The following LRPPRC variants were observed in gnomAD, a reference collection of about 807,000 sequenced individuals.
LRPPRC encodes the protein leucine-rich PPR motif-containing protein, mitochondrial.
Under a neutral mutation model 180.3 loss-of-function variants are expected in LRPPRC, and 120 were observed. The observed-to-expected ratio is 0.67, with a 90% CI of 0.57 to 0.77. The LOEUF (loss-of-function observed/expected upper bound fraction) is 0.77. LRPPRC is among the 30% of genes least tolerant of loss of function. The pLI is 0.00. For synonymous variants in LRPPRC, 723 were observed against 600.0 expected, an observed-to-expected ratio of 1.21 and a Z score of -3.00; for missense variants, 2,012 against 1,657.2, an observed-to-expected ratio of 1.21 and a Z score of -3.72.
At chr2:43,889,276 T>C (rs989343715) in intron 37 of LRPPRC, among the ~76,000 whole-genome samples, 31 of 120,518 alleles carry the variant, frequency 2.6e-4, no homozygotes, top group South Asian at 1.0e-3. Context: ...GACCGTGCCA[T>C]TGCACTCCAG....
intron 5 of LRPPRC, 137 bp from the exon 6 acceptor site, chr2:43,976,366 A>AGCT: frequency 1.5e-6 from 1 of 651,792 alleles, no homozygotes; most frequent in South Asian, 1.8e-5. Flanking sequence ...AACCACAAAG[A>AGCT]AAGAACTAAT....
intron 25 of LRPPRC, among the ~76,000 whole-genome samples, chr2:43,926,484 C>T (rs1007797459): frequency 2.6e-5 from 4 of 152,166 alleles, no homozygotes; most frequent in South Asian, 2.1e-4. Context: ...TCTCCTGCCT[C>T]AGCCTCCCAA....
At chr2:43,963,395 G>C (rs1162522278) in intron 12 of LRPPRC, 193 bp downstream of exon 12, 6 of 630,768 alleles carry the variant, frequency 9.5e-6, no homozygotes, top group East Asian at 5.4e-5. Flanking sequence ...AGTGAGCCAA[G>C]ATTGTGCCAT....
chr2:43,963,707 C>A lies in LRPPRC; in HGVS notation c.1370-1G>T. On this transcript the variant is annotated splice_acceptor_variant, in intron 11 of 37. Transcript: ENST00000260665. LOFTEE classifies it high-confidence loss of function. Reference sequence around the variant, plus strand: ...ATTCCTTTGAGGATTTCAATTATACCTACCAAATAAAATGTAGAAGCACAG... The same window carrying A: ...ATTCCTTTGAGGATTTCAATTATACATACCAAATAAAATGTAGAAGCACAG... The A allele has an allele frequency of 7.0e-7, 1 of 1,438,002 alleles. No individual in the cohort carries two copies. The highest frequency in any genetic ancestry group is 9.8e-7 in the Non-Finnish European group (1 of 1,020,200). The allele number at this position is 1,438,002 out of a possible 1,614,324, so 89.1% of individuals were successfully genotyped here. A position where few individuals can be genotyped will look rare whatever the true frequency, so the allele number is the denominator to read the frequency against.
intron 27 of LRPPRC, among the ~76,000 whole-genome samples, chr2:43,924,354 C>T (rs538555910): frequency 5.9e-5 from 9 of 152,130 alleles, no homozygotes; most frequent in East Asian, 3.9e-4. Context: ...AAAGAGAGAT[C>T]GAAAGTTTCA....
At position 43,896,619 on chromosome 2, in the gene LRPPRC, G is replaced by C; in HGVS notation, c.3900+15C>G. On this transcript the variant is annotated intron_variant, in intron 35 of 37. Coordinates refer to ENST00000260665, the MANE Select transcript of LRPPRC (RefSeq NM_133259.4). ...GTACAGTATCATTGATTTGTAAGCAGGTAAAGCACAGTACCTTTCCTTGTT... is the reference window on the plus strand; with the variant it reads ...GTACAGTATCATTGATTTGTAAGCACGTAAAGCACAGTACCTTTCCTTGTT... The C allele has an allele frequency of 6.4e-7, 1 of 1,554,510 alleles. No individual in the cohort carries two copies. Among genetic ancestry groups the C allele is most frequent in the Non-Finnish European group, 8.9e-7 (1 of 1,126,412 alleles).
At chr2:43,896,932 T>A (rs1670707808) in intron 34 of LRPPRC, among the ~76,000 whole-genome samples, 1 of 152,200 alleles carries the variant, frequency 6.6e-6, no homozygotes, top group Non-Finnish European at 1.5e-5. Flanking sequence ...GTATAAAGTT[T>A]GTTTAAAAAG....
At position 43,887,756 on chromosome 2, in the gene LRPPRC, T is replaced by A. The variant is rs1670319010; in HGVS notation, c.*844A>T. On this transcript the variant is annotated 3_prime_UTR_variant, in exon 38 of 38. Transcript: ENST00000260665. ...ACAGGCATGAGATTCAATATAGGGATCACTTTTATTTCAAACAATTAAATA... is the reference window on the plus strand; with the variant it reads ...ACAGGCATGAGATTCAATATAGGGAACACTTTTATTTCAAACAATTAAATA... 1 of 152,188 alleles carries A rather than the reference T, an allele frequency of 6.6e-6. No homozygotes were observed. The highest frequency in any genetic ancestry group is 1.9e-4 in the East Asian group (1 of 5,196). The allele number at this position is 152,188 out of a possible 1,614,324, so 9.4% of individuals were successfully genotyped here. A position where few individuals can be genotyped will look rare whatever the true frequency, so the allele number is the denominator to read the frequency against.
Position 43,960,640 on chromosome 2 carries a change from G to C in LRPPRC, c.1489-6C>G. ...TCAGACAGACATCCATTTTCCTGGA[G>C]ATAAAGCATATATCAATGAGAATAC... On this transcript the variant is annotated splice_region_variant and splice_polypyrimidine_tract_variant and intron_variant, in intron 12 of 37. Transcript: ENST00000260665. 7.0e-7 allele frequency: 1 copy of C among 1,429,900 alleles called. No individual in the cohort carries two copies. The highest frequency in any genetic ancestry group is 9.9e-7 in the Non-Finnish European group (1 of 1,014,684). 88.6% of individuals were successfully genotyped at this position (1,429,900 alleles called of 1,614,324 possible). A position where few individuals can be genotyped will look rare whatever the true frequency, so the allele number is the denominator to read the frequency against.
intron 25 of LRPPRC, among the ~76,000 whole-genome samples, chr2:43,933,768 A>G (rs1672174994): frequency 6.6e-6 from 1 of 152,224 alleles, no homozygotes; most frequent in Non-Finnish European, 1.5e-5. Context: ...TGTTTGGCTG[A>G]TTAACTTGTA....
intron 2 of LRPPRC, among the ~76,000 whole-genome samples, chr2:43,981,746 T>C (rs1463641943): frequency 1.3e-5 from 2 of 151,982 alleles, no homozygotes; most frequent in African/African-American, 4.8e-5. Flanking sequence ...ATAACATAAA[T>C]GACAATCAAC....
chr2:43,952,623 C>T (rs565152890), intron 14 of LRPPRC, among the ~76,000 whole-genome samples: 56 of 152,330 alleles, frequency 3.7e-4, no homozygotes, highest in African/African-American at 1.3e-3. Flanking sequence ...TCCTTCCCTA[C>T]ATGCCCCTTA....
intron 31 of LRPPRC, chr2:43,903,475 G>A (rs1670958556): frequency 6.6e-6 from 1 of 150,728 alleles, no homozygotes; most frequent in South Asian, 2.1e-4. Flanking sequence ...ATCAGCCATG[G>A]AGCAAAATAA....
chr2:43,976,706 AT>A (rs1195236070), intron 5 of LRPPRC, among the ~76,000 whole-genome samples: 2 of 148,502 alleles, frequency 1.3e-5, no homozygotes, highest in African/African-American at 5.0e-5. Context: ...CTTAGGAAAT[AT>A]TTAAAAAAAA....
chr2:43,889,314 C>CAAAAAAAA lies in LRPPRC; in HGVS notation c.4128+412_4128+419dup, dbSNP rs780032604. Reference sequence around the variant, plus strand: ...TGGGCAACACAGCGAGACTCCATCTCAAAAAAAAAAAAAAAAAAAAAAAAA... The same window carrying CAAAAAAAA: ...TGGGCAACACAGCGAGACTCCATCTCAAAAAAAAAAAAAAAAAAAAAAAAAAAAAAAAA... On this transcript the variant is annotated intron_variant, in intron 37 of 37. Coordinates refer to ENST00000260665, the MANE Select transcript of LRPPRC (RefSeq NM_133259.4). Among the ~76,000 whole-genome samples, 10 of 38,318 alleles carry CAAAAAAAA rather than the reference C, an allele frequency of 2.6e-4. 1 individual carries two copies. The highest frequency in any genetic ancestry group is 1.3e-3 in the South Asian group (1 of 748). 25.1% of individuals were successfully genotyped at this position (38,318 alleles called of 152,430 possible). A position where few individuals can be genotyped will look rare whatever the true frequency, so the allele number is the denominator to read the frequency against.
intron 1 of LRPPRC, among the ~76,000 whole-genome samples, chr2:43,995,397 T>C (rs1251629407): frequency 6.6e-6 from 1 of 152,178 alleles, no homozygotes; most frequent in Non-Finnish European, 1.5e-5. Flanking sequence ...ATCTAAATGC[T>C]AGGTGGTTAC....
intron 14 of LRPPRC, among the ~76,000 whole-genome samples, chr2:43,952,395 A>G (rs1019707762): frequency 1.3e-5 from 2 of 152,224 alleles, no homozygotes; most frequent in Non-Finnish European, 2.9e-5. Context: ...GGTATCCTTC[A>G]AAACCAAGCT....
chr2:43,910,455 G>A (rs1249548853), intron 30 of LRPPRC, among the ~76,000 whole-genome samples: 1 of 152,076 alleles, frequency 6.6e-6, no homozygotes, highest in African/African-American at 2.4e-5. Flanking sequence ...GGCTGGTCTC[G>A]AACTCCTGAC....
intron 11 of LRPPRC, among the ~76,000 whole-genome samples, chr2:43,971,673 C>G (rs1182776801): frequency 6.6e-6 from 1 of 151,886 alleles, no homozygotes; most frequent in Non-Finnish European, 1.5e-5. Flanking sequence ...ACTGCAGTCA[C>G]TTTCTTCTGT....
Sources: allele counts gnomAD v4.1 joint callset (sites outside exome capture counted in the v4.1 genomes callset), GRCh38; gene constraint gnomAD v4.1.1; transcripts MANE v1.5; gene names NCBI Gene and HGNC (gene_info 2026-07-23, HGNC 2026-07-21).